The following TCF4 variants were observed in gnomAD, a reference collection of about 807,000 sequenced individuals.
The protein encoded by TCF4 is transcription factor 4, also known as SL3-3 enhancer factor 2.
In TCF4, 3 loss-of-function variants were observed where a neutral mutation model predicts 82.1. The ratio of observed to expected loss-of-function variants is 0.04; its 90% CI spans 0.02 to 0.09. The LOEUF (loss-of-function observed/expected upper bound fraction) is 0.09. TCF4 is among the 10% of genes least tolerant of loss of function. The pLI, the probability that TCF4 is intolerant of heterozygous loss-of-function variation, is 1.00. For synonymous variants in TCF4, 276 were observed against 309.6 expected, an observed-to-expected ratio of 0.89 and a Z score of 1.14; for missense variants, 518 against 852.7, an observed-to-expected ratio of 0.61 and a Z score of 4.89.
chr18:55,528,072 C>T (rs1051728371), intron 3 of TCF4, among the ~76,000 whole-genome samples: 9 of 152,014 alleles, frequency 5.9e-5, no homozygotes, highest in African/African-American at 1.9e-4. Context: ...AGTGTATGAC[C>T]GTATGATTCT....
At chr18:55,303,181 G>C (rs1385507124) in intron 8 of TCF4, among the ~76,000 whole-genome samples, 1 of 149,438 alleles carries the variant, frequency 6.7e-6, no homozygotes, top group South Asian at 2.1e-4. Flanking sequence ...GGAGAGGAAA[G>C]AAGAACCTCC....
At chr18:55,275,902 C>T in intron 9 of TCF4, 150 bp from the exon 10 acceptor site, 7 of 993,788 alleles carry the variant, frequency 7.0e-6, no homozygotes, top group Non-Finnish European at 9.3e-6. Flanking sequence ...GTCATCATTT[C>T]TTCCCAAGTG....
At chr18:55,614,206 C>T (rs897254104) in intron 2 of TCF4, among the ~76,000 whole-genome samples, 5 of 152,134 alleles carry the variant, frequency 3.3e-5, no homozygotes, top group Admixed American at 6.5e-5. Context: ...GGGACTATTA[C>T]GAATAAAGCT....
intron 3 of TCF4, among the ~76,000 whole-genome samples, chr18:55,503,145 C>T (rs1044539551): frequency 6.6e-6 from 1 of 151,996 alleles, no homozygotes; most frequent in African/African-American, 2.4e-5. Flanking sequence ...CAGGATACAC[C>T]GCTAAAATAA....
chr18:55,278,516 T>G (rs1285637955), intron 9 of TCF4, among the ~76,000 whole-genome samples: 1 of 152,210 alleles, frequency 6.6e-6, no homozygotes, highest in Non-Finnish European at 1.5e-5. Flanking sequence ...CTGCTATCAT[T>G]TCAAACATCT....
chr18:55,240,882 G>A (rs1261074), intron 15 of TCF4, among the ~76,000 whole-genome samples: 11,424 of 152,100 alleles, frequency 0.075, 1,447 homozygotes, highest in African/African-American at 0.26. Flanking sequence ...CATGTATGTC[G>A]GGAGAAGATT....
intron 15 of TCF4, among the ~76,000 whole-genome samples, chr18:55,242,853 C>T (rs1254290021): frequency 6.6e-6 from 1 of 152,152 alleles, no homozygotes; most frequent in African/African-American, 2.4e-5. Flanking sequence ...TGTGATCCTC[C>T]CGCCTTGGCT....
intron 5 of TCF4, among the ~76,000 whole-genome samples, chr18:55,416,223 T>G (rs2094521579): frequency 6.6e-6 from 1 of 152,190 alleles, no homozygotes; most frequent in African/African-American, 2.4e-5. Flanking sequence ...TTTCCAAGCT[T>G]GTTGAAACAA....
intron 3 of TCF4, among the ~76,000 whole-genome samples, chr18:55,485,268 A>C (rs1603549151): frequency 2.0e-5 from 3 of 152,220 alleles, no homozygotes; most frequent in African/African-American, 7.2e-5. Context: ...GTTTAAGTCC[A>C]TTTGAGTCAG....
chr18:55,542,349 T>C (rs150302325), intron 3 of TCF4, among the ~76,000 whole-genome samples: 2 of 152,086 alleles, frequency 1.3e-5, no homozygotes, highest in South Asian at 2.1e-4. Context: ...GATCTTCATA[T>C]GGCAAGGGGG....
At chr18:55,406,098 C>G in intron 5 of TCF4, among the ~76,000 whole-genome samples, 1 of 149,012 alleles carries the variant, frequency 6.7e-6, no homozygotes, top group Non-Finnish European at 1.5e-5. Flanking sequence ...AAAGAGGCAG[C>G]ACAGCCAGCA....
rs920708226 is a variant in TCF4 at position 55,410,799 on chromosome 18, CAA to C, written c.305-7283_305-7282del. 2.6e-5 allele frequency among the ~76,000 whole-genome samples: 4 copies of C among 152,248 alleles called. No individual in the cohort carries two copies. The South Asian group carries it at 6.2e-4, about 24-fold the overall frequency. On this transcript the variant is annotated intron_variant, in intron 5 of 19. Transcript: ENST00000354452. ...ATAATTTAAACTCAATTCATAAAGT[CAA>C]AGAGTTCTCAAGTTCCATGATGGAT...
intron 8 of TCF4, among the ~76,000 whole-genome samples, chr18:55,294,137 G>A (rs1198497561): frequency 2.0e-5 from 3 of 151,072 alleles, no homozygotes; most frequent in Non-Finnish European, 4.4e-5. Context: ...GTGGGTGCCT[G>A]TAATCCCAGC....
chr18:55,236,980 G>A (rs1427438493), intron 15 of TCF4, among the ~76,000 whole-genome samples: 1 of 152,184 alleles, frequency 6.6e-6, no homozygotes, highest in Non-Finnish European at 1.5e-5. Flanking sequence ...TAACTTAAGA[G>A]TAATGTTTTG....
At chr18:55,575,096 C>T (rs1291003430) in intron 3 of TCF4, among the ~76,000 whole-genome samples, 1 of 152,152 alleles carries the variant, frequency 6.6e-6, no homozygotes, top group African/African-American at 2.4e-5. Flanking sequence ...TACAAATATA[C>T]ACCCCATATA....
chr18:55,513,565 A>G (rs927757164), intron 3 of TCF4, among the ~76,000 whole-genome samples: 2 of 152,130 alleles, frequency 1.3e-5, no homozygotes, highest in Non-Finnish European at 2.9e-5. Context: ...ATTTTTCCAT[A>G]AATATCTAAC....
chr18:55,272,170 C>T (rs2060522185), intron 10 of TCF4, among the ~76,000 whole-genome samples: 1 of 151,896 alleles, frequency 6.6e-6, no homozygotes, highest in South Asian at 2.1e-4. Flanking sequence ...AAATTAATCC[C>T]CATAGATTAT....
intron 8 of TCF4, among the ~76,000 whole-genome samples, chr18:55,288,856 C>A (rs1246528669): frequency 6.6e-6 from 1 of 152,168 alleles, no homozygotes; most frequent in African/African-American, 2.4e-5. Flanking sequence ...TGAAACCAGA[C>A]CCACGACTAA....
At chr18:55,374,312 A>C (rs977585960) in intron 6 of TCF4, among the ~76,000 whole-genome samples, 10 of 151,924 alleles carry the variant, frequency 6.6e-5, no homozygotes, top group Non-Finnish European at 1.5e-4. Flanking sequence ...GATAAAACAA[A>C]ATGTAGATTA....
Sources: allele counts gnomAD v4.1 joint callset (sites outside exome capture counted in the v4.1 genomes callset), GRCh38; gene constraint gnomAD v4.1.1; transcripts MANE v1.5; gene names NCBI Gene and HGNC (gene_info 2026-07-23, HGNC 2026-07-21).